The following RPAP3 variants were observed in gnomAD, a reference collection of about 807,000 sequenced individuals.
RPAP3 encodes the protein RNA polymerase II-associated protein 3.
Under a neutral mutation model 88.8 loss-of-function variants are expected in RPAP3, and 58 were observed. The observed-to-expected ratio is 0.65, with a 90% CI of 0.53 to 0.81. The LOEUF is 0.81. Among genes scored for constraint, RPAP3 ranks in the 40% least tolerant of loss-of-function variants. The pLI is 0.00. For synonymous variants in RPAP3, 255 were observed against 259.9 expected, an observed-to-expected ratio of 0.98 and a Z score of 0.18; for missense variants, 751 against 764.3, an observed-to-expected ratio of 0.98 and a Z score of 0.20.
intron 5 of RPAP3, among the ~76,000 whole-genome samples, chr12:47,694,529 G>A (rs1323099690): frequency 6.6e-6 from 1 of 151,924 alleles, no homozygotes; most frequent in Non-Finnish European, 1.5e-5. Flanking sequence ...AAAATTGAAT[G>A]TTTCTATTCA....
At chr12:47,672,433 T>G (rs12366410) in intron 12 of RPAP3, among the ~76,000 whole-genome samples, 44,606 of 152,184 alleles carry the variant, frequency 0.29, 7,195 homozygotes, top group Non-Finnish European at 0.37. Flanking sequence ...TGAAATTGCC[T>G]CAGCATTTAT....
intron 8 of RPAP3, among the ~76,000 whole-genome samples, chr12:47,687,294 AAT>A (rs1166539219): frequency 3.3e-5 from 5 of 152,172 alleles, no homozygotes; most frequent in Non-Finnish European, 5.9e-5. Flanking sequence ...TTTGTGAAAG[AAT>A]ACAGTACCAG....
Position 47,679,759 on chromosome 12 carries a change from A to T in RPAP3, c.1130T>A (p.Leu377Ter). 1 of 1,605,784 alleles carries T rather than the reference A, an allele frequency of 6.2e-7. No homozygotes were observed. Among genetic ancestry groups the T allele is most frequent in the Non-Finnish European group, 8.5e-7 (1 of 1,175,516 alleles). ...NEAKQDFETV[L>*]LLEPGNKQAV... Reference sequence around the variant, plus strand: ...TTGCTTATTTCCAGGTTCCAGAAGTAAAACAGTTTCAAAATCTAAAGCGAA... The same window carrying T: ...TTGCTTATTTCCAGGTTCCAGAAGTTAAACAGTTTCAAAATCTAAAGCGAA... The change falls in exon 11 of 17, where the codon TTA (leucine) becomes TAA (stop). Residue 377 changes from leucine (L) to a stop codon, truncating the protein, a stop_gained. Coordinates refer to ENST00000005386, the MANE Select transcript of RPAP3 (RefSeq NM_024604.3). LOFTEE classifies it high-confidence loss of function.
chr12:47,673,444 CAAAAAAAAAAAA>C (rs35080899), intron 12 of RPAP3, among the ~76,000 whole-genome samples: 20,410 of 61,166 alleles, frequency 0.33, 1,773 homozygotes, highest in South Asian at 0.42. Context: ...AACTCCGTCT[CAAAAAAAAAAAA>C]AAAAAAAAAA....
At position 47,693,178 on chromosome 12, in the gene RPAP3, G is replaced by C. The variant is rs1476042620; in HGVS notation, c.546-2539C>G. Among the ~76,000 whole-genome samples, 3 of 152,102 alleles carry C rather than the reference G, an allele frequency of 2.0e-5. No homozygotes were observed. In the East Asian group the frequency reaches 5.8e-4, roughly 29 times the overall value. ...TTACAGGTGTGAGCCACCATGCCTG[G>C]CCTCACTGTACGGTTATTAACTGGC... On this transcript the variant is annotated intron_variant, in intron 5 of 16. Coordinates refer to ENST00000005386, the MANE Select transcript of RPAP3 (RefSeq NM_024604.3).
Position 47,662,695 on chromosome 12 carries a change from C to A in RPAP3, c.*810G>T, listed in dbSNP as rs971222758. On this transcript the variant is annotated 3_prime_UTR_variant, in exon 17 of 17. Transcript: ENST00000005386. The stretch of plus-strand genomic sequence containing the variant: ...AAATTTTATAAGTATCAGTTGAGCA[C>A]CTAACTATGTGCAAACGTCTGTGCT... 2 of 152,160 alleles carry A rather than the reference C, an allele frequency of 1.3e-5. No homozygotes were observed. The highest frequency in any genetic ancestry group is 2.9e-5 in the Non-Finnish European group (2 of 68,024). 9.4% of individuals were successfully genotyped at this position (152,160 alleles called of 1,614,324 possible).
At chr12:47,700,046 T>C (rs552904694) in intron 3 of RPAP3, 101 of 148,030 alleles carry the variant, frequency 6.8e-4, no homozygotes, top group African/African-American at 2.4e-3. Flanking sequence ...CAGGCTGCAG[T>C]GCAGTGGTGT....
chr12:47,687,180 C>T (rs561394071), intron 8 of RPAP3, among the ~76,000 whole-genome samples: 8 of 152,074 alleles, frequency 5.3e-5, no homozygotes, highest in African/African-American at 1.9e-4. Context: ...TTACATATTA[C>T]GCAAAGCTTA....
intron 9 of RPAP3, among the ~76,000 whole-genome samples, chr12:47,685,635 C>T (rs1009929796): frequency 4.6e-5 from 7 of 152,212 alleles, no homozygotes; most frequent in Non-Finnish European, 8.8e-5. Context: ...TAATCATCTA[C>T]GTTGCTTCAG....
chr12:47,669,384 A>C (rs1167516273), intron 13 of RPAP3, among the ~76,000 whole-genome samples: 2 of 152,164 alleles, frequency 1.3e-5, no homozygotes, highest in African/African-American at 4.8e-5. Context: ...ATATATTTCA[A>C]TTACCATGTC....
chr12:47,680,992 T>C (rs1163405534), intron 10 of RPAP3, among the ~76,000 whole-genome samples: 27 of 147,856 alleles, frequency 1.8e-4, no homozygotes, highest in African/African-American at 6.4e-4. Context: ...AAAAACAGGC[T>C]GAAATCATTT....
intron 3 of RPAP3, 94 bp from the exon 4 acceptor site, chr12:47,697,813 TAA>T: frequency 1.7e-6 from 2 of 1,175,854 alleles, no homozygotes; most frequent in Non-Finnish European, 2.4e-6. Flanking sequence ...CAAATGAATG[TAA>T]ATTGTTACAA....
chr12:47,673,104 T>G (rs1490530516), intron 12 of RPAP3, among the ~76,000 whole-genome samples: 1 of 152,032 alleles, frequency 6.6e-6, no homozygotes, highest in Non-Finnish European at 1.5e-5. Flanking sequence ...ACAACTAGAT[T>G]TATGCCTAGC....
chr12:47,674,746 G>A (rs1156258546), intron 12 of RPAP3, among the ~76,000 whole-genome samples: 2 of 152,206 alleles, frequency 1.3e-5, no homozygotes, highest in African/African-American at 4.8e-5. Context: ...ATGGGACTAT[G>A]TGAAAAGAGC....
intron 7 of RPAP3, 80 bp from the exon 8 acceptor site, chr12:47,688,081 T>A: frequency 8.6e-7 from 1 of 1,167,684 alleles, no homozygotes; most frequent in East Asian, 2.9e-5. Flanking sequence ...CATAAATACC[T>A]CAAATATATT....
At chr12:47,667,128 A>C in intron 15 of RPAP3, 48 bp from the exon 16 acceptor site, 36 of 828,370 alleles carry the variant, frequency 4.3e-5, no homozygotes, top group Non-Finnish European at 6.0e-5. Flanking sequence ...AAAGCAGCTC[A>C]TTTATTAATA....
intron 10 of RPAP3, among the ~76,000 whole-genome samples, chr12:47,681,367 G>A (rs1334986543): frequency 1.3e-5 from 2 of 152,030 alleles, no homozygotes; most frequent in African/African-American, 2.4e-5. Flanking sequence ...AGTCCCTTTC[G>A]CTCAACAACA....
chr12:47,679,747 G>C lies in RPAP3; in HGVS notation c.1142C>G (p.Pro381Arg). The change falls in exon 11 of 17, where the codon CCT (proline) becomes CGT (arginine). Residue 381 changes from proline (P) to arginine (R), a missense_variant. Coordinates refer to ENST00000005386, the MANE Select transcript of RPAP3 (RefSeq NM_024604.3). ...QDFETVLLLE[P>R]GNKQAVTELS... Reference sequence around the variant, plus strand: ...TTCAGTTACTGCTTGCTTATTTCCAGGTTCCAGAAGTAAAACAGTTTCAAA... The same window carrying C: ...TTCAGTTACTGCTTGCTTATTTCCACGTTCCAGAAGTAAAACAGTTTCAAA... The C allele has an allele frequency of 6.2e-7, 1 of 1,606,210 alleles. No individual in the cohort carries two copies. The highest frequency in any genetic ancestry group is 8.5e-7 in the Non-Finnish European group (1 of 1,175,734).
At chr12:47,678,128 G>T (rs1201024279) in intron 12 of RPAP3, among the ~76,000 whole-genome samples, 1 of 152,120 alleles carries the variant, frequency 6.6e-6, no homozygotes, top group African/African-American at 2.4e-5. Flanking sequence ...TGACAAACCT[G>T]ACAAAAACAA....
Sources: gnomAD v4.1 joint callset for allele counts (sites outside exome capture counted in the v4.1 genomes callset) on GRCh38, gnomAD v4.1.1 for gene constraint, MANE v1.5 for transcripts, NCBI Gene and HGNC (gene_info 2026-07-23, HGNC 2026-07-21) for gene names.